The following C3orf20 variants were observed in gnomAD, a reference collection of about 807,000 sequenced individuals.
The protein encoded by C3orf20 is family with sequence similarity 149 member C, also known as uncharacterized protein C3orf20.
A neutral mutation model predicts 88.3 loss-of-function variants in C3orf20; 76 were observed. The ratio of observed to expected loss-of-function variants is 0.86; its 90% CI spans 0.72 to 1.04. The LOEUF (loss-of-function observed/expected upper bound fraction) is 1.04. Among genes scored for constraint, C3orf20 ranks in the 50% least tolerant of loss-of-function variants. C3orf20 has a pLI of 0.00. For missense variants in C3orf20, 1,056 were observed against 1,123.3 expected, an observed-to-expected ratio of 0.94 and a Z score of 0.86; for synonymous variants, 436 against 437.4, an observed-to-expected ratio of 1.00 and a Z score of 0.04.
At position 14,703,393 on chromosome 3, in the gene C3orf20, G is replaced by A. The variant is rs530549763; in HGVS notation, c.878+131G>A. On this transcript the variant is annotated intron_variant, in intron 6 of 16. Transcript: ENST00000253697. Reference sequence around the variant, plus strand: ...TGAGACATGCCACCTGGGAGCGTGGGTTATGTGGTACTCCCCACGACAGCC... The same window carrying A: ...TGAGACATGCCACCTGGGAGCGTGGATTATGTGGTACTCCCCACGACAGCC... 137 of 1,450,932 alleles carry A rather than the reference G, an allele frequency of 9.4e-5. 1 individual carries two copies. The South Asian group carries it at 1.7e-3, about 18-fold the overall frequency. 89.9% of individuals were successfully genotyped at this position (1,450,932 alleles called of 1,614,324 possible). A position where few individuals can be genotyped will look rare whatever the true frequency, so the allele number is the denominator to read the frequency against.
At position 14,682,968 on chromosome 3, in the gene C3orf20, T is replaced by C; in HGVS notation, c.255T>C (p.Phe85=). 5.6e-6 allele frequency: 9 copies of C among 1,614,140 alleles called. No homozygotes were observed. Among genetic ancestry groups the C allele is most frequent in the Non-Finnish European group, 7.6e-6 (9 of 1,180,004 alleles). Reference sequence around the variant, plus strand: ...TGGTGGTGCTCATGGAACCCACCTTTGTGCAGGTCCCCACACTGAAGAAGC... The same window carrying C: ...TGGTGGTGCTCATGGAACCCACCTTCGTGCAGGTCCCCACACTGAAGAAGC... ...APLVVLMEPT[F]VQVPTLKKPL... Residue 85 remains phenylalanine (F), a synonymous_variant, in exon 3 of 17, where the codon TTT becomes TTC. Transcript: ENST00000253697.
intron 12 of C3orf20, among the ~76,000 whole-genome samples, chr3:14,736,613 C>T (rs1350820176): frequency 1.4e-5 from 2 of 144,410 alleles, no homozygotes; most frequent in African/African-American, 5.2e-5. Flanking sequence ...GTCACTCAGG[C>T]TGGAATGCAG....
At chr3:14,715,545 C>T in intron 9 of C3orf20, 136 bp downstream of exon 9, 4 of 1,181,330 alleles carry the variant, frequency 3.4e-6, no homozygotes, top group Non-Finnish European at 4.5e-6. Flanking sequence ...TGAAGGAGCT[C>T]ATAATCTCAT....
Position 14,761,577 on chromosome 3 carries a change from C to T in C3orf20, c.2457C>T (p.Tyr819=), listed in dbSNP as rs1338159082. The change falls in exon 15 of 17, where the codon TAC becomes TAT. Residue 819 remains tyrosine (Y), a synonymous_variant. Transcript: ENST00000253697. ...AGATCTTCCGGTCTCAACAGGATTA[C>T]AAGATGGGCTACTTCCTGCCGGATG... ...LKQIFRSQQD[Y]KMGYFLPDDY... is the part of the protein sequence containing the mutation. The T allele has an allele frequency of 1.9e-6, 3 of 1,613,906 alleles. No individual in the cohort carries two copies. The highest frequency in any genetic ancestry group is 2.2e-5 in the East Asian group (1 of 44,840).
chr3:14,746,095 TA>T (rs1271322330), intron 12 of C3orf20, among the ~76,000 whole-genome samples: 3 of 152,180 alleles, frequency 2.0e-5, no homozygotes, highest in Admixed American at 1.3e-4. Context: ...CAAAGTCAAA[TA>T]AAAATATAGA....
rs559481222 is a variant in C3orf20 at position 14,761,609 on chromosome 3, A to T, written c.2489A>T (p.Lys830Ile). ...KMGYFLPDDY[K>I]FSVPNSVLSL... ...GGCTACTTCCTGCCGGATGACTACA[A>T]ATTCAGGTAAAACAGGAAACACGCA... is the stretch of plus-strand genomic sequence containing the variant. Residue 830 changes from lysine to isoleucine, a missense_variant, in exon 15 of 17, where the codon AAA becomes ATA. Coordinates refer to ENST00000253697, the MANE Select transcript of C3orf20 (RefSeq NM_032137.5). The T allele has an allele frequency of 3.8e-5, 61 of 1,613,938 alleles. No homozygotes were observed. In the African/African-American group the frequency reaches 5.2e-4, roughly 14 times the overall value.
At chr3:14,718,518 G>A (rs2034022897) in intron 9 of C3orf20, among the ~76,000 whole-genome samples, 2 of 152,082 alleles carry the variant, frequency 1.3e-5, no homozygotes, top group African/African-American at 4.8e-5. Context: ...AAATTTCAAT[G>A]TCTGGGTCTT....
At chr3:14,711,636 T>C (rs994601553) in intron 7 of C3orf20, among the ~76,000 whole-genome samples, 6 of 140,202 alleles carry the variant, frequency 4.3e-5, no homozygotes, top group African/African-American at 1.6e-4. Flanking sequence ...GCTTTTTTTT[T>C]TTTTTTTTTT....
chr3:14,710,178 T>G (rs1030067528), intron 7 of C3orf20, among the ~76,000 whole-genome samples: 4 of 152,074 alleles, frequency 2.6e-5, no homozygotes, highest in African/African-American at 7.2e-5. Context: ...TATCATTGTC[T>G]TAGGATTTTT....
chr3:14,767,242 C>G (rs2035738150), intron 15 of C3orf20: 1 of 152,312 alleles, frequency 6.6e-6, no homozygotes, highest in African/African-American at 2.4e-5. Flanking sequence ...TGCCCTTGGG[C>G]CTAGCATGGG....
intron 5 of C3orf20, among the ~76,000 whole-genome samples, chr3:14,698,708 A>C (rs767475678): frequency 1.3e-5 from 2 of 152,062 alleles, no homozygotes; most frequent in Non-Finnish European, 2.9e-5. Flanking sequence ...CTGGGAGTGC[A>C]CTGGATGAAA....
chr3:14,687,807 C>T (rs921389245), intron 4 of C3orf20, among the ~76,000 whole-genome samples: 1 of 152,140 alleles, frequency 6.6e-6, no homozygotes, highest in African/African-American at 2.4e-5. Flanking sequence ...CTGTGGGCTG[C>T]GATTCATCTA....
Position 14,768,936 on chromosome 3 carries a change from C to T in C3orf20, c.2496-3131C>T, listed in dbSNP as rs1351845573. 6.6e-6 allele frequency among the ~76,000 whole-genome samples: 1 copy of T among 152,044 alleles called. No homozygotes were observed. The highest frequency in any genetic ancestry group is 1.5e-5 in the Non-Finnish European group (1 of 68,030). On this transcript the variant is annotated intron_variant, in intron 15 of 16. Transcript: ENST00000253697. This position sits in a 1 kb window ranked among gnomAD's most constrained non-coding sequence, Gnocchi z 4.1. ...TCTAGATTAGTCTTCCAGAGAAGCA[C>T]CTGGCCCACTGTCAGCAGGGACATG...
intron 14 of C3orf20, 45 bp downstream of exon 14, chr3:14,760,043 G>T: frequency 7.2e-7 from 1 of 1,397,214 alleles, no homozygotes; most frequent in Non-Finnish European, 1.0e-6. Context: ...CACCCCAGCC[G>T]CAGCCACCTC....
intron 12 of C3orf20, among the ~76,000 whole-genome samples, chr3:14,744,093 TAGTC>T (rs1201684655): frequency 2.6e-5 from 4 of 152,186 alleles, no homozygotes; most frequent in Non-Finnish European, 5.9e-5. Flanking sequence ...TTCTATCACA[TAGTC>T]AGGCTGAAAA....
chr3:14,738,630 C>CTTTTTTTTTT (rs34407504), intron 12 of C3orf20, among the ~76,000 whole-genome samples: 1 of 73,482 alleles, frequency 1.4e-5, no homozygotes. Context: ...CATGCCCGGC[C>CTTTTTTTTTT]TTTTTTTTTT....
In C3orf20 at chr3:14,684,378, G is replaced by T. The variant is rs1267936832; in HGVS notation, c.621G>T (p.Trp207Cys). Residue 207 changes from tryptophan (W) to cysteine (C), a missense_variant, in exon 4 of 17, where the codon TGG becomes TGT. Transcript: ENST00000253697. ...GTGGCTACAGCAGCGGACAGTTGTGGAAAGGTGGGTACCTGAGCTTCAACC... is the reference window on the plus strand; with the variant it reads ...GTGGCTACAGCAGCGGACAGTTGTGTAAAGGTGGGTACCTGAGCTTCAACC... ...GRSGYSSGQL[W>C]KESLANMSAI... The T allele has an allele frequency of 1.9e-6, 3 of 1,613,944 alleles. No homozygotes were observed.
At chr3:14,732,792 T>C (rs1467192561) in intron 12 of C3orf20, among the ~76,000 whole-genome samples, 1 of 152,160 alleles carries the variant, frequency 6.6e-6, no homozygotes, top group Non-Finnish European at 1.5e-5. Context: ...GTCACAAAAA[T>C]TTCTGCTATG....
chr3:14,742,224 A>G (rs2034921781), intron 12 of C3orf20, among the ~76,000 whole-genome samples: 1 of 152,234 alleles, frequency 6.6e-6, no homozygotes, highest in Non-Finnish European at 1.5e-5. Flanking sequence ...AGATGGTAGT[A>G]GGGAAAAGAG....
Sources: allele counts gnomAD v4.1 joint callset (sites outside exome capture counted in the v4.1 genomes callset), GRCh38; gene constraint gnomAD v4.1.1; non-coding constraint Gnocchi (gnomAD v3.1); transcripts MANE v1.5; gene names NCBI Gene and HGNC (gene_info 2026-07-23, HGNC 2026-07-21).